CD58: variants seen among roughly 807,000 people sequenced by gnomAD.
CD58 encodes the protein lymphocyte function-associated antigen 3.
Under a neutral mutation model 27.6 loss-of-function variants are expected in CD58, and 14 were observed. The observed-to-expected ratio is 0.51, with a 90% CI of 0.34 to 0.79. The LOEUF is 0.79. CD58 is among the 30% of genes least tolerant of loss of function. The probability of loss-of-function intolerance (pLI) is 0.02; values close to 1 mark genes in which losing one functional copy is unlikely to be tolerated. For synonymous variants in CD58, 117 were observed against 103.8 expected, an observed-to-expected ratio of 1.13 and a Z score of -0.77; for missense variants, 268 against 301.7, an observed-to-expected ratio of 0.89 and a Z score of 0.83.
intron 1 of CD58, among the ~76,000 whole-genome samples, chr1:116,545,778 T>C (rs1658147839): frequency 6.6e-6 from 1 of 152,168 alleles, no homozygotes; most frequent in Admixed American, 6.5e-5. Flanking sequence ...AGAACCTCCA[T>C]ACCAACCTAG....
intron 1 of CD58, among the ~76,000 whole-genome samples, chr1:116,551,600 T>C (rs12086220): frequency 0.048 from 7,269 of 152,280 alleles, 546 homozygotes; most frequent in African/African-American, 0.16. Flanking sequence ...GCTGTTTCAC[T>C]TTCTTATTTA....
Position 116,541,569 on chromosome 1 carries a change from A to G in CD58, c.364+2742T>C, listed in dbSNP as rs781737157. On this transcript the variant is annotated intron_variant, in intron 2 of 5. Coordinates refer to ENST00000369489, the MANE Select transcript of CD58 (RefSeq NM_001779.3). The surrounding 1 kb of genome is among the most constrained non-coding windows in gnomAD (Gnocchi z 5.3). ...GGTATTCAAGAAAAAGAGAGGTATC[A>G]AGGATGACATCCCGGTTTCAGACTG... Among the ~76,000 whole-genome samples the G allele has an allele frequency of 1.4e-4, 22 of 152,234 alleles. No homozygotes were observed. Among genetic ancestry groups the G allele is most frequent in the Non-Finnish European group, 2.9e-4 (20 of 68,040 alleles).
At chr1:116,560,318 C>T (rs1658715446) in intron 1 of CD58, among the ~76,000 whole-genome samples, 1 of 152,084 alleles carries the variant, frequency 6.6e-6, no homozygotes, top group Non-Finnish European at 1.5e-5. Flanking sequence ...CCACAGTATG[C>T]TTTAGGGAAT....
At chr1:116,568,282 C>G (rs1659012203) in intron 1 of CD58, among the ~76,000 whole-genome samples, 1 of 152,084 alleles carries the variant, frequency 6.6e-6, no homozygotes, top group South Asian at 2.1e-4. Context: ...GTCATGAGAT[C>G]TGAAACTCTC....
At chr1:116,567,369 T>C (rs7534533) in intron 1 of CD58, among the ~76,000 whole-genome samples, 70,147 of 151,320 alleles carry the variant, frequency 0.46, 20,035 homozygotes, top group African/African-American at 0.82. Context: ...GATGTGGTGG[T>C]TCATGCCTGT....
In CD58 at chr1:116,532,354, G is replaced by A. The variant is rs2101169984; in HGVS notation, c.628+3611C>T. 6.6e-6 allele frequency among the ~76,000 whole-genome samples: 1 copy of A among 152,282 alleles called. No individual in the cohort carries two copies. Among genetic ancestry groups the A allele is most frequent in the East Asian group, 1.9e-4 (1 of 5,184 alleles). On this transcript the variant is annotated intron_variant, in intron 3 of 5. Coordinates refer to ENST00000369489, the MANE Select transcript of CD58 (RefSeq NM_001779.3). The surrounding 1 kb of genome is among the most constrained non-coding windows in gnomAD (Gnocchi z 5.1). ...GCCTGAGCTGGTGTGCCACAACCCT[G>A]ACCCAACCCTTAAAAAAGAAGATCA...
At chr1:116,525,416 T>C (rs967629271) in intron 3 of CD58, among the ~76,000 whole-genome samples, 1 of 152,244 alleles carries the variant, frequency 6.6e-6, no homozygotes, top group African/African-American at 2.4e-5. Flanking sequence ...GTACCACAGT[T>C]TATTTGTCCA....
At chr1:116,555,379 G>A (rs1489211354) in intron 1 of CD58, among the ~76,000 whole-genome samples, 1 of 152,156 alleles carries the variant, frequency 6.6e-6, no homozygotes, top group East Asian at 1.9e-4. Context: ...AATGAGTTAG[G>A]TCAACATCAA....
chr1:116,518,702 C>T (rs888729529), intron 5 of CD58: 54 of 989,570 alleles, frequency 5.5e-5, no homozygotes, highest in East Asian at 1.1e-4. Flanking sequence ...GAGCACCCTA[C>T]GGCGGTTTAT....
At chr1:116,566,301 C>T (rs1319140120) in intron 1 of CD58, among the ~76,000 whole-genome samples, 1 of 152,168 alleles carries the variant, frequency 6.6e-6, no homozygotes, top group African/African-American at 2.4e-5. Context: ...GAACAGAGTT[C>T]TCACTGTGGG....
In CD58 at chr1:116,528,486, C is replaced by T. The variant is rs761424729; in HGVS notation, c.629-6503G>A. ...TGAACTCAGAACAATGTTTGTTCTACATAACTTCAGGTCGGAACTGAACAA... is the reference window on the plus strand; with the variant it reads ...TGAACTCAGAACAATGTTTGTTCTATATAACTTCAGGTCGGAACTGAACAA... On this transcript the variant is annotated intron_variant, in intron 3 of 5. Coordinates refer to ENST00000369489, the MANE Select transcript of CD58 (RefSeq NM_001779.3). The surrounding 1 kb of genome is among the most constrained non-coding windows in gnomAD (Gnocchi z 4.4). Among the ~76,000 whole-genome samples the T allele has an allele frequency of 1.2e-4, 19 of 152,190 alleles. No individual in the cohort carries two copies. Among genetic ancestry groups the T allele is most frequent in the Non-Finnish European group, 2.6e-4 (18 of 68,032 alleles).
chr1:116,566,140 C>T (rs1191440796), intron 1 of CD58, among the ~76,000 whole-genome samples: 1 of 152,076 alleles, frequency 6.6e-6, no homozygotes, highest in Non-Finnish European at 1.5e-5. Flanking sequence ...CGAACCATTG[C>T]TAAGTTGGAG....
intron 2 of CD58, among the ~76,000 whole-genome samples, chr1:116,539,666 T>C (rs568099916): frequency 1.3e-5 from 2 of 152,354 alleles, no homozygotes; most frequent in East Asian, 1.9e-4. Flanking sequence ...AGTTGCCAGA[T>C]GGCAAAGGTA....
Position 116,521,810 on chromosome 1 carries a change from A to G in CD58, c.706+96T>C, listed in dbSNP as rs972147212. On this transcript the variant is annotated intron_variant, in intron 4 of 5. Transcript: ENST00000369489. This position sits in a 1 kb window ranked among gnomAD's most constrained non-coding sequence, Gnocchi z 5.6. ...AGTTTTTGTTTCTTTTCAAATGTCTAAAATTTCAAACTTTATTTTCATCCT... is the reference window on the plus strand; with the variant it reads ...AGTTTTTGTTTCTTTTCAAATGTCTGAAATTTCAAACTTTATTTTCATCCT... The G allele has an allele frequency of 7.2e-6, 6 of 833,804 alleles. No homozygotes were observed. In the African/African-American group the frequency reaches 1.0e-4, roughly 14 times the overall value. 51.7% of individuals were successfully genotyped at this position (833,804 alleles called of 1,614,324 possible).
At chr1:116,564,600 T>C (rs531240049) in intron 1 of CD58, among the ~76,000 whole-genome samples, 23 of 152,342 alleles carry the variant, frequency 1.5e-4, no homozygotes, top group Non-Finnish European at 1.3e-4. Context: ...ACATCTTACA[T>C]GGCAGTAGGC....
rs915683765 is a variant in CD58, at chr1:116,516,479, G to T, written c.744-1657C>A. 6.6e-6 allele frequency among the ~76,000 whole-genome samples: 1 copy of T among 152,100 alleles called. No homozygotes were observed. Among genetic ancestry groups the T allele is most frequent in the Non-Finnish European group, 1.5e-5 (1 of 68,026 alleles). On this transcript the variant is annotated intron_variant, in intron 5 of 5. Transcript: ENST00000369489. The surrounding 1 kb of genome is among the most constrained non-coding windows in gnomAD (Gnocchi z 6.1). ...TGTTCCTGCTCAAGAACCTATAATG[G>T]CTGCTTATTTCCATATCACTCCATT...
rs1175260026 is a variant in CD58 at position 116,550,535 on chromosome 1, C to T, written c.71-5931G>A. Among the ~76,000 whole-genome samples, 1 of 152,154 alleles carries T rather than the reference C, an allele frequency of 6.6e-6. No homozygotes were observed. On this transcript the variant is annotated intron_variant, in intron 1 of 5. Coordinates refer to ENST00000369489, the MANE Select transcript of CD58 (RefSeq NM_001779.3). This position sits in a 1 kb window ranked among gnomAD's most constrained non-coding sequence, Gnocchi z 4.2. ...CCACTTCTATTTTTCTTGCTATTTCCACCCTTCAAAGTCATCCATGAGGAT... is the reference window on the plus strand; with the variant it reads ...CCACTTCTATTTTTCTTGCTATTTCTACCCTTCAAAGTCATCCATGAGGAT...
At position 116,522,821 on chromosome 1, in the gene CD58, T is replaced by C. The variant is rs753596791; in HGVS notation, c.629-838A>G. The stretch of plus-strand genomic sequence containing the variant: ...GTGTTTGGTAGGGCAATTCTGGCAG[T>C]TGTATATAATAAGCCTTAAAAATAT... On this transcript the variant is annotated intron_variant, in intron 3 of 5. Transcript: ENST00000369489. This position sits in a 1 kb window ranked among gnomAD's most constrained non-coding sequence, Gnocchi z 4.6. Among the ~76,000 whole-genome samples the C allele has an allele frequency of 1.3e-4, 20 of 152,200 alleles. No individual in the cohort carries two copies. Among genetic ancestry groups the C allele is most frequent in the Non-Finnish European group, 2.8e-4 (19 of 68,026 alleles).
At position 116,557,967 on chromosome 1, in the gene CD58, C is replaced by T. The variant is rs530763446; in HGVS notation, c.70+12936G>A. ...GAGATTACAAGCATGAGCCACCATG[C>T]CCAGCCAATGCCATACCTTAGAGAC... On this transcript the variant is annotated intron_variant, in intron 1 of 5. Transcript: ENST00000369489. This position sits in a 1 kb window ranked among gnomAD's most constrained non-coding sequence, Gnocchi z 5.2. Among the ~76,000 whole-genome samples, 6 of 152,230 alleles carry T rather than the reference C, an allele frequency of 3.9e-5. No individual in the cohort carries two copies. In the East Asian group the frequency reaches 1.2e-3, roughly 29 times the overall value.
Sources: allele counts gnomAD v4.1 joint callset (sites outside exome capture counted in the v4.1 genomes callset), GRCh38; gene constraint gnomAD v4.1.1; non-coding constraint Gnocchi (gnomAD v3.1); transcripts MANE v1.5; gene names NCBI Gene and HGNC (gene_info 2026-07-23, HGNC 2026-07-21).